The following LRRTM3 variants were observed in gnomAD, a reference collection of about 807,000 sequenced individuals.
LRRTM3 encodes the protein leucine-rich repeat transmembrane neuronal protein 3.
In LRRTM3, 24 loss-of-function variants were observed where a neutral mutation model predicts 44.7. That is an observed-to-expected ratio of 0.54 (90% CI 0.39 to 0.76). LRRTM3 has a LOEUF of 0.76. Among genes scored for constraint, LRRTM3 ranks in the 30% least tolerant of loss-of-function variants. LRRTM3 has a pLI of 0.00. For synonymous variants in LRRTM3, 277 were observed against 278.7 expected (o/e 0.99, Z 0.06); for missense variants, 587 against 702.2 (o/e 0.84, Z 1.85).
At chr10:66,991,199 C>T (rs1251754740) in intron 2 of LRRTM3, among the ~76,000 whole-genome samples, 1 of 152,094 alleles carries the variant, frequency 6.6e-6, no homozygotes, top group Non-Finnish European at 1.5e-5. Flanking sequence ...GTAAAAATGT[C>T]ACTATGCCAG....
chr10:66,948,831 AG>A (rs981975955), intron 2 of LRRTM3, among the ~76,000 whole-genome samples: 14 of 152,224 alleles, frequency 9.2e-5, no homozygotes, highest in African/African-American at 3.4e-4. Flanking sequence ...CATAACATAA[AG>A]CAGTCCAATA....
chr10:67,000,149 G>T lies in LRRTM3; in HGVS notation c.1536+71697G>T, dbSNP rs945892167. ...AAATATAGGGCCTTCCAGATGACTA[G>T]ATCTGGTTTCCTGAAGACAGCTTTT... On this transcript the variant is annotated intron_variant, in intron 2 of 2. Coordinates refer to ENST00000361320, the MANE Select transcript of LRRTM3 (RefSeq NM_178011.5). 3.3e-5 allele frequency among the ~76,000 whole-genome samples: 5 copies of T among 152,148 alleles called. 1 individual carries two copies. Among genetic ancestry groups the T allele is most frequent in the African/African-American group, 1.2e-4 (5 of 41,442 alleles).
intron 2 of LRRTM3, among the ~76,000 whole-genome samples, chr10:67,071,319 T>C (rs1019726528): frequency 7.7e-6 from 1 of 130,052 alleles, no homozygotes; most frequent in Admixed American, 7.8e-5. Context: ...TGTTTTGTTT[T>C]TGTATTTTGG....
intron 2 of LRRTM3, among the ~76,000 whole-genome samples, chr10:67,042,942 A>T (rs777012325): frequency 3.3e-5 from 5 of 152,086 alleles, no homozygotes; most frequent in Non-Finnish European, 5.9e-5. Context: ...ATAAAAGAGG[A>T]GCCAAATAAG....
intron 2 of LRRTM3, among the ~76,000 whole-genome samples, chr10:66,965,203 T>C (rs1023514391): frequency 5.3e-5 from 8 of 151,886 alleles, no homozygotes; most frequent in Non-Finnish European, 1.0e-4. Context: ...CTCCTCCAGG[T>C]TGTGTTTAAA....
intron 2 of LRRTM3, among the ~76,000 whole-genome samples, chr10:67,079,276 A>C (rs1409402728): frequency 6.6e-6 from 1 of 152,210 alleles, no homozygotes; most frequent in Non-Finnish European, 1.5e-5. Flanking sequence ...GGAATTTAAG[A>C]AACTATCATA....
At chr10:66,940,112 T>C (rs1185721924) in intron 2 of LRRTM3, among the ~76,000 whole-genome samples, 2 of 152,160 alleles carry the variant, frequency 1.3e-5, no homozygotes, top group Non-Finnish European at 2.9e-5. Flanking sequence ...TTGGTCCAAC[T>C]TAGGTAGAGA....
chr10:67,044,135 AT>A (rs1303756720), intron 2 of LRRTM3, among the ~76,000 whole-genome samples: 3 of 151,776 alleles, frequency 2.0e-5, no homozygotes, highest in Non-Finnish European at 4.4e-5. Context: ...TATTGTTCCC[AT>A]TTTTATGTTC....
chr10:66,947,388 T>A (rs1217349443), intron 2 of LRRTM3, among the ~76,000 whole-genome samples: 1 of 152,174 alleles, frequency 6.6e-6, no homozygotes, highest in Admixed American at 6.6e-5. Context: ...GAAATTACCA[T>A]TTCACTATAT....
intron 2 of LRRTM3, among the ~76,000 whole-genome samples, chr10:67,093,980 G>A (rs1159349517): frequency 6.6e-6 from 1 of 151,898 alleles, no homozygotes; most frequent in Non-Finnish European, 1.5e-5. Flanking sequence ...GTAGTGCACT[G>A]CTACTTGAGC....
At chr10:66,950,194 A>G (rs1004904736) in intron 2 of LRRTM3, among the ~76,000 whole-genome samples, 1 of 152,060 alleles carries the variant, frequency 6.6e-6, no homozygotes, top group Non-Finnish European at 1.5e-5. Context: ...TACATAAACT[A>G]TTTTCTGATA....
At chr10:66,968,989 C>T (rs1849580426) in intron 2 of LRRTM3, among the ~76,000 whole-genome samples, 1 of 151,820 alleles carries the variant, frequency 6.6e-6, no homozygotes, top group Admixed American at 6.6e-5. Context: ...TGCACTCCAG[C>T]CTGGGCAACA....
intron 2 of LRRTM3, among the ~76,000 whole-genome samples, chr10:66,943,747 C>A (rs548864553): frequency 6.6e-6 from 1 of 152,094 alleles, no homozygotes; most frequent in Non-Finnish European, 1.5e-5. Flanking sequence ...CAGAACCCCA[C>A]CATAAAGTGC....
intron 2 of LRRTM3, among the ~76,000 whole-genome samples, chr10:67,007,951 C>T (rs1423086873): frequency 6.6e-6 from 1 of 151,946 alleles, no homozygotes; most frequent in East Asian, 1.9e-4. Context: ...TTAAAATGGA[C>T]TCAAGCTACC....
chr10:67,002,454 T>G (rs1851744895), intron 2 of LRRTM3, among the ~76,000 whole-genome samples: 1 of 152,170 alleles, frequency 6.6e-6, no homozygotes, highest in Non-Finnish European at 1.5e-5. Context: ...CAAGGTTGAA[T>G]CTAAATCCAA....
intron 2 of LRRTM3, among the ~76,000 whole-genome samples, chr10:67,015,959 T>C (rs915877706): frequency 2.0e-5 from 3 of 152,138 alleles, no homozygotes; most frequent in African/African-American, 7.2e-5. Context: ...ATTTCTGTCA[T>C]TTTTTTCATT....
intron 2 of LRRTM3, among the ~76,000 whole-genome samples, chr10:67,001,252 G>A (rs1221090290): frequency 6.8e-6 from 1 of 147,176 alleles, no homozygotes; most frequent in African/African-American, 2.5e-5. Context: ...AGTGAGCCGA[G>A]ATGGAGCCAC....
Position 67,101,332 on chromosome 10 carries a change from T to C in LRRTM3, c.*3536T>C, listed in dbSNP as rs1034797614. 2.0e-5 allele frequency among the ~76,000 whole-genome samples: 3 copies of C among 151,786 alleles called. No individual in the cohort carries two copies. Among genetic ancestry groups the C allele is most frequent in the Non-Finnish European group, 4.4e-5 (3 of 67,816 alleles). On this transcript the variant is annotated 3_prime_UTR_variant, in exon 3 of 3. Transcript: ENST00000361320. ...AACACTTTGTCAACTGAACACATGT[T>C]CAATTCGGAGCTAATTGGGAAGACT... is the stretch of plus-strand genomic sequence containing the variant.
rs546097047 is a variant in LRRTM3 at position 66,928,542 on chromosome 10, G to GC, written c.1536+97dup. 4.7e-4 allele frequency: 578 copies of GC among 1,220,608 alleles called. 5 individuals are homozygous for GC. In the South Asian group the frequency reaches 7.9e-3, roughly 17 times the overall value. 75.6% of individuals were successfully genotyped at this position (1,220,608 alleles called of 1,614,324 possible). ...CTGGTGACTATCAAGGGAACGCGATGCCCCCCCTCCCCTTCCCTCTCCCTC... is the reference window on the plus strand; with the variant it reads ...CTGGTGACTATCAAGGGAACGCGATGCCCCCCCCTCCCCTTCCCTCTCCCTC... On this transcript the variant is annotated intron_variant, in intron 2 of 2. Coordinates refer to ENST00000361320, the MANE Select transcript of LRRTM3 (RefSeq NM_178011.5).
Sources: gnomAD v4.1 joint callset for allele counts (sites outside exome capture counted in the v4.1 genomes callset) on GRCh38, gnomAD v4.1.1 for gene constraint, MANE v1.5 for transcripts, NCBI Gene and HGNC (gene_info 2026-07-23, HGNC 2026-07-21) for gene names.